The following ARMH4 variants were observed in gnomAD, a reference collection of about 807,000 sequenced individuals.
The protein encoded by ARMH4 is armadillo like helical domain containing 4.
ARMH4 carries 49 observed loss-of-function variants against 61.9 expected under a neutral mutation model. The ratio of observed to expected loss-of-function variants is 0.79; its 90% CI spans 0.63 to 1.00. The LOEUF is 1.00. ARMH4 is among the 50% of genes least tolerant of loss of function. ARMH4 has a pLI of 0.00. For synonymous variants in ARMH4, 368 were observed against 341.5 expected (o/e 1.08, Z -0.85); for missense variants, 934 against 930.0 (o/e 1.00, Z -0.06).
chr14:58,151,200 C>T (rs1220094160), intron 1 of ARMH4, among the ~76,000 whole-genome samples: 1 of 152,182 alleles, frequency 6.6e-6, no homozygotes, highest in Non-Finnish European at 1.5e-5. Context: ...AAGTGCTAGG[C>T]GGATCCTCGG....
chr14:58,017,909 T>C (rs939560724), intron 5 of ARMH4, among the ~76,000 whole-genome samples: 11 of 151,770 alleles, frequency 7.2e-5, no homozygotes, highest in African/African-American at 2.7e-4. Context: ...CAGCATGGCA[T>C]TGGCATAAAA....
intron 5 of ARMH4, among the ~76,000 whole-genome samples, chr14:58,039,105 G>T (rs1883593442): frequency 6.6e-6 from 1 of 152,202 alleles, no homozygotes; most frequent in Non-Finnish European, 1.5e-5. Flanking sequence ...TCATTCCTGT[G>T]GGACACAGGA....
At chr14:58,100,321 C>T (rs1360270412) in intron 4 of ARMH4, among the ~76,000 whole-genome samples, 1 of 152,220 alleles carries the variant, frequency 6.6e-6, no homozygotes, top group Non-Finnish European at 1.5e-5. Flanking sequence ...TCTAGGCCCA[C>T]TTCAGATGTG....
At chr14:58,143,649 A>G (rs1594784081) in intron 1 of ARMH4, among the ~76,000 whole-genome samples, 1 of 151,544 alleles carries the variant, frequency 6.6e-6, no homozygotes, top group Non-Finnish European at 1.5e-5. Flanking sequence ...TTTTTAATAG[A>G]GACAGGGTTT....
At chr14:58,067,297 C>A (rs2141222492) in intron 5 of ARMH4, among the ~76,000 whole-genome samples, 1 of 152,262 alleles carries the variant, frequency 6.6e-6, no homozygotes, top group South Asian at 2.1e-4. Flanking sequence ...AGGTACTGTT[C>A]TAGAACCAAG....
chr14:58,133,388 T>TAA, intron 2 of ARMH4, 47 bp from the exon 3 acceptor site: 35 of 1,367,112 alleles, frequency 2.6e-5, no homozygotes, highest in South Asian at 1.3e-4. Flanking sequence ...CCCTATTTTT[T>TAA]TAAAAAAAAA....
chr14:58,106,243 C>A (rs1377054326), intron 4 of ARMH4, among the ~76,000 whole-genome samples: 5 of 152,176 alleles, frequency 3.3e-5, no homozygotes, highest in African/African-American at 1.2e-4. Flanking sequence ...GATCAAGTCA[C>A]TCGGGATTAA....
intron 4 of ARMH4, among the ~76,000 whole-genome samples, chr14:58,105,505 G>A (rs1886140545): frequency 6.6e-6 from 1 of 151,974 alleles, no homozygotes; most frequent in Non-Finnish European, 1.5e-5. Context: ...TGGCCAACAT[G>A]GTAAAACCCT....
chr14:58,018,482 A>T (rs1263917317), intron 5 of ARMH4, among the ~76,000 whole-genome samples: 1 of 150,582 alleles, frequency 6.6e-6, no homozygotes, highest in Non-Finnish European at 1.5e-5. Flanking sequence ...AAAAAAAAAG[A>T]CAAACTAATG....
At chr14:58,135,889 T>G (rs1190110759) in intron 2 of ARMH4, among the ~76,000 whole-genome samples, 3 of 152,162 alleles carry the variant, frequency 2.0e-5, no homozygotes, top group Admixed American at 6.5e-5. Context: ...TTTTGGCTAT[T>G]GTATAACAAC....
At chr14:58,012,579 G>C (rs1452859399) in intron 5 of ARMH4, among the ~76,000 whole-genome samples, 2 of 152,174 alleles carry the variant, frequency 1.3e-5, no homozygotes, top group Non-Finnish European at 2.9e-5. Context: ...GGGAGGAAGG[G>C]AAAATAAGCA....
chr14:58,056,793 G>A (rs1412932109), intron 5 of ARMH4, among the ~76,000 whole-genome samples: 1 of 152,100 alleles, frequency 6.6e-6, no homozygotes, highest in Non-Finnish European at 1.5e-5. Context: ...CCCTTTTTCT[G>A]TAACAACAAA....
chr14:58,049,491 A>C (rs1392843140), intron 5 of ARMH4, among the ~76,000 whole-genome samples: 8 of 152,194 alleles, frequency 5.3e-5, no homozygotes, highest in Non-Finnish European at 1.0e-4. Flanking sequence ...CAGAAGAATG[A>C]AATGTTTTGA....
intron 4 of ARMH4, chr14:58,116,409 T>C: frequency 2.5e-6 from 1 of 402,290 alleles, no homozygotes; most frequent in Non-Finnish European, 5.1e-6. Flanking sequence ...GTGCAGGAGT[T>C]CACACTTGTA....
chr14:58,074,664 G>A (rs1234419988), intron 5 of ARMH4, among the ~76,000 whole-genome samples: 2 of 152,066 alleles, frequency 1.3e-5, no homozygotes, highest in East Asian at 3.8e-4. Context: ...ACACCATGAT[G>A]CGGTTTTCCA....
At chr14:58,118,982 C>G (rs1412040895) in intron 4 of ARMH4, among the ~76,000 whole-genome samples, 1 of 152,180 alleles carries the variant, frequency 6.6e-6, no homozygotes, top group Non-Finnish European at 1.5e-5. Context: ...GCTGCTAAAA[C>G]GTTGCAGATT....
intron 5 of ARMH4, among the ~76,000 whole-genome samples, chr14:58,049,030 G>A (rs183300394): frequency 0.011 from 1,638 of 152,180 alleles, 22 homozygotes; most frequent in Non-Finnish European, 0.017. Flanking sequence ...GAGGTCAGGA[G>A]ATCGAGACCA....
At chr14:58,045,404 T>A (rs529121307) in intron 5 of ARMH4, among the ~76,000 whole-genome samples, 72 of 152,110 alleles carry the variant, frequency 4.7e-4, no homozygotes, top group Middle Eastern at 6.8e-3. Context: ...TAGGTGGGAA[T>A]TGAACAATGA....
At chr14:58,115,970 C>G (rs1886504260) in intron 4 of ARMH4, 1 of 152,140 alleles carries the variant, frequency 6.6e-6, no homozygotes, top group South Asian at 2.1e-4. Flanking sequence ...ACGCTCACTA[C>G]CTGAGTGATG....
Sources: gnomAD v4.1 joint callset for allele counts (sites outside exome capture counted in the v4.1 genomes callset) on GRCh38, gnomAD v4.1.1 for gene constraint, MANE v1.5 for transcripts, NCBI Gene and HGNC (gene_info 2026-07-23, HGNC 2026-07-21) for gene names.